CPXM2: variants seen among roughly 807,000 people sequenced by gnomAD.
The protein encoded by CPXM2 is carboxypeptidase X, M14 family member 2, also known as inactive carboxypeptidase-like protein X2.
Under a neutral mutation model 86.1 loss-of-function variants are expected in CPXM2, and 66 were observed. The ratio of observed to expected loss-of-function variants is 0.77; its 90% CI spans 0.63 to 0.94. CPXM2 has a LOEUF of 0.94. CPXM2 is among the 40% of genes least tolerant of loss of function. The pLI, the probability that CPXM2 is intolerant of heterozygous loss-of-function variation, is 0.00. For synonymous variants in CPXM2, 388 were observed against 400.2 expected (o/e 0.97, Z 0.36); for missense variants, 948 against 1,026.3 (o/e 0.92, Z 1.04).
chr10:123,884,131 C>G (rs1279123735), intron 1 of CPXM2, among the ~76,000 whole-genome samples: 1 of 152,192 alleles, frequency 6.6e-6, no homozygotes. Flanking sequence ...TTTGCATCTT[C>G]CCCAGGAAAT....
At chr10:123,888,148 C>A (rs978125638) in intron 1 of CPXM2, among the ~76,000 whole-genome samples, 2 of 152,186 alleles carry the variant, frequency 1.3e-5, no homozygotes, top group Non-Finnish European at 2.9e-5. Context: ...CTTGCATAAA[C>A]CCCGCTACAG....
intron 6 of CPXM2, among the ~76,000 whole-genome samples, chr10:123,781,959 T>A (rs1219712): frequency 1 from 151,833 of 152,368 alleles, 75,652 homozygotes; most frequent in Middle Eastern, 1. Flanking sequence ...AACAAGTTAA[T>A]AATCACATAT....
At chr10:123,816,716 G>A (rs1847821327) in intron 4 of CPXM2, among the ~76,000 whole-genome samples, 1 of 152,246 alleles carries the variant, frequency 6.6e-6, no homozygotes, top group Non-Finnish European at 1.5e-5. Flanking sequence ...CCCACCAGAA[G>A]CAATTTGTCT....
At chr10:123,914,843 C>G (rs751913488) in intron 2 of CPXM2, among the ~76,000 whole-genome samples, 20 of 152,310 alleles carry the variant, frequency 1.3e-4, no homozygotes, top group Middle Eastern at 3.4e-3. Flanking sequence ...TCCCTGACAA[C>G]CTGGATTTGA....
At chr10:123,912,005 G>A (rs1453894168) in intron 2 of CPXM2, among the ~76,000 whole-genome samples, 1 of 152,034 alleles carries the variant, frequency 6.6e-6, no homozygotes, top group Non-Finnish European at 1.5e-5. Context: ...GGGGAAGGAG[G>A]GGCAAACTTG....
intron 4 of CPXM2, among the ~76,000 whole-genome samples, chr10:123,799,613 G>GC (rs1356603202): frequency 1.2e-4 from 19 of 152,314 alleles, no homozygotes; most frequent in African/African-American, 4.6e-4. Flanking sequence ...TTGCAAACCG[G>GC]TTTAAACATT....
chr10:123,821,444 T>C (rs920705018), intron 4 of CPXM2, among the ~76,000 whole-genome samples: 1 of 152,212 alleles, frequency 6.6e-6, no homozygotes, highest in Non-Finnish European at 1.5e-5. Flanking sequence ...TGACAGGTCA[T>C]AGGATCGGCC....
intron 2 of CPXM2, among the ~76,000 whole-genome samples, chr10:123,929,013 G>T (rs1219112319): frequency 6.6e-6 from 1 of 152,172 alleles, no homozygotes; most frequent in Non-Finnish European, 1.5e-5. Context: ...ACTCCTACAG[G>T]GGGCCTATAG....
chr10:123,939,799 A>ATGT (rs1370523839), intron 1 of CPXM2, among the ~76,000 whole-genome samples: 4 of 152,178 alleles, frequency 2.6e-5, no homozygotes, highest in African/African-American at 9.7e-5. Flanking sequence ...CCTGTCCCAG[A>ATGT]GCCTGGGCGC....
At chr10:123,771,614 C>T (rs1007376760) in intron 7 of CPXM2, among the ~76,000 whole-genome samples, 1 of 152,178 alleles carries the variant, frequency 6.6e-6, no homozygotes, top group Non-Finnish European at 1.5e-5. Context: ...TTATAAGCTA[C>T]TCAGGTTACA....
At chr10:123,881,610 G>T (rs117425375) in intron 1 of CPXM2, among the ~76,000 whole-genome samples, 1 of 152,230 alleles carries the variant, frequency 6.6e-6, no homozygotes, top group African/African-American at 2.4e-5. Flanking sequence ...CATTTCTACT[G>T]CAGTTGGCTT....
chr10:123,756,648 G>C (rs902571374), intron 12 of CPXM2, among the ~76,000 whole-genome samples: 1 of 149,254 alleles, frequency 6.7e-6, no homozygotes, highest in Non-Finnish European at 1.5e-5. Context: ...ATGTACAGAC[G>C]GAGCCTTCGA....
chr10:123,778,205 T>C (rs1274143247), intron 7 of CPXM2, among the ~76,000 whole-genome samples: 1 of 152,258 alleles, frequency 6.6e-6, no homozygotes, highest in Admixed American at 6.5e-5. Context: ...GTTTCTCATT[T>C]GTTTTTTGTT....
In CPXM2 at chr10:123,754,776, A is replaced by G; in HGVS notation, c.1918-14T>C. The G allele has an allele frequency of 2.6e-6, 4 of 1,509,600 alleles. No homozygotes were observed. The highest frequency in any genetic ancestry group is 3.7e-6 in the Non-Finnish European group (4 of 1,084,558). The allele number at this position is 1,509,600 out of a possible 1,614,324, so 93.5% of individuals were successfully genotyped here. On this transcript the variant is annotated splice_polypyrimidine_tract_variant and intron_variant, in intron 12 of 13. Transcript: ENST00000241305. This position sits in a 1 kb window ranked among gnomAD's most constrained non-coding sequence, Gnocchi z 4.0. ...GCCACGATGAACCTGCTCAGCAAAC[A>G]TGAGACACAGGGTGAGGTCACCGAC...
At chr10:123,763,315 T>C (rs1344916038) in intron 10 of CPXM2, among the ~76,000 whole-genome samples, 1 of 152,080 alleles carries the variant, frequency 6.6e-6, no homozygotes, top group East Asian at 1.9e-4. Flanking sequence ...TGGGATTCCC[T>C]TCTGTTATTT....
intron 4 of CPXM2, among the ~76,000 whole-genome samples, chr10:123,802,558 G>A (rs910431484): frequency 1.3e-5 from 2 of 152,148 alleles, no homozygotes; most frequent in African/African-American, 2.4e-5. Context: ...TATTGCTAAT[G>A]GGGATTTGAG....
intron 1 of CPXM2, among the ~76,000 whole-genome samples, chr10:123,887,367 C>T (rs912001412): frequency 3.9e-5 from 6 of 152,186 alleles, no homozygotes; most frequent in Non-Finnish European, 7.3e-5. Context: ...AAAGATTCTA[C>T]GGTTCCATAT....
chr10:123,829,823 T>A (rs1462058902), intron 4 of CPXM2, among the ~76,000 whole-genome samples: 4 of 151,694 alleles, frequency 2.6e-5, no homozygotes, highest in African/African-American at 9.7e-5. Context: ...CAGAACAATG[T>A]GACAGAATAA....
chr10:123,771,816 G>A (rs1158618640), intron 7 of CPXM2, among the ~76,000 whole-genome samples: 2 of 152,110 alleles, frequency 1.3e-5, no homozygotes. Context: ...ACATCTGATG[G>A]TTTTATTAAG....
Sources: allele counts gnomAD v4.1 joint callset (sites outside exome capture counted in the v4.1 genomes callset), GRCh38; gene constraint gnomAD v4.1.1; non-coding constraint Gnocchi (gnomAD v3.1); transcripts MANE v1.5; gene names NCBI Gene and HGNC (gene_info 2026-07-23, HGNC 2026-07-21).